Variants in DACH1 observed in about 807,000 individuals in gnomAD.
DACH1 encodes dachshund homolog 1.
In DACH1, 12 loss-of-function variants were observed where a neutral mutation model predicts 54.2. The observed-to-expected ratio is 0.22, with a 90% CI of 0.14 to 0.36. The LOEUF (loss-of-function observed/expected upper bound fraction) is 0.36. Among genes scored for constraint, DACH1 ranks in the 10% least tolerant of loss-of-function variants. DACH1 has a pLI of 1.00. For synonymous variants in DACH1, 386 were observed against 366.2 expected, an observed-to-expected ratio of 1.05 and a Z score of -0.62; for missense variants, 805 against 929.8, an observed-to-expected ratio of 0.87 and a Z score of 1.75.
chr13:71,866,714 G>GT lies in DACH1; in HGVS notation c.55_56insA (p.Pro19HisfsTer128). 1 of 1,447,130 alleles carries GT rather than the reference G, an allele frequency of 6.9e-7. No homozygotes were observed. The highest frequency in any genetic ancestry group is 9.2e-7 in the Non-Finnish European group (1 of 1,091,570). 89.6% of individuals were successfully genotyped at this position (1,447,130 alleles called of 1,614,324 possible). ...AGAGGAGGAAGCAGACGTGGAGATT[G>GT]GGGGTTGAGGGGGGACCAGCTGGGT... is the stretch of plus-strand genomic sequence containing the variant. On this transcript the variant is annotated frameshift_variant, in exon 1 of 11. Coordinates refer to ENST00000613252, the MANE Select transcript of DACH1 (RefSeq NM_080759.6). LOFTEE classifies it high-confidence loss of function.
chr13:71,806,052 C>T (rs1411966309), intron 1 of DACH1, among the ~76,000 whole-genome samples: 2 of 152,150 alleles, frequency 1.3e-5, no homozygotes, highest in African/African-American at 4.8e-5. Context: ...GGTGATCCGC[C>T]CACCTCAGTC....
chr13:71,722,714 T>C (rs1043801746), intron 1 of DACH1, among the ~76,000 whole-genome samples: 1 of 152,150 alleles, frequency 6.6e-6, no homozygotes, highest in Admixed American at 6.5e-5. Context: ...GTTTCAAAAG[T>C]TGAGGAAAGA....
At chr13:71,682,847 A>T (rs1880981643) in intron 1 of DACH1, among the ~76,000 whole-genome samples, 1 of 152,156 alleles carries the variant, frequency 6.6e-6, no homozygotes, top group Non-Finnish European at 1.5e-5. Flanking sequence ...AAAACAACCT[A>T]AAGTATATAA....
rs1454536714 is a variant in DACH1 at position 71,866,919 on chromosome 13, G to C, written c.-150C>G. 2.0e-5 allele frequency: 11 copies of C among 554,832 alleles called. No individual in the cohort carries two copies. The highest frequency in any genetic ancestry group is 2.9e-5 in the Non-Finnish European group (11 of 373,678). The allele number at this position is 554,832 out of a possible 1,614,324, so 34.4% of individuals were successfully genotyped here. ...AACGAGAAGGAGAAAGGGAGAGAAG[G>C]GGGAGAAAAGGAGGTGAAGGTAATA... On this transcript the variant is annotated 5_prime_UTR_variant, in exon 1 of 11. Coordinates refer to ENST00000613252, the MANE Select transcript of DACH1 (RefSeq NM_080759.6).
At chr13:71,447,961 T>C (rs1028330673) in intron 10 of DACH1, among the ~76,000 whole-genome samples, 2 of 152,214 alleles carry the variant, frequency 1.3e-5, no homozygotes, top group South Asian at 4.1e-4. Flanking sequence ...AGTATGCTTG[T>C]GGAAGGTATC....
intron 1 of DACH1, among the ~76,000 whole-genome samples, chr13:71,689,867 C>A (rs924083587): frequency 1.3e-5 from 2 of 152,092 alleles, no homozygotes; most frequent in African/African-American, 4.8e-5. Context: ...GCCCCTAAAG[C>A]TTCTAAGTCC....
chr13:71,457,540 G>T (rs989472875), intron 10 of DACH1, among the ~76,000 whole-genome samples: 2 of 151,784 alleles, frequency 1.3e-5, no homozygotes, highest in African/African-American at 4.8e-5. Context: ...AAAAAAAGCT[G>T]CTTTATGTTT....
Position 71,642,450 on chromosome 13 carries a change from G to A in DACH1, c.965-11733C>T, listed in dbSNP as rs143433282. Among the ~76,000 whole-genome samples the A allele has an allele frequency of 5.9e-4, 90 of 152,234 alleles. No homozygotes were observed. The East Asian group carries it at 0.013, about 21-fold the overall frequency. On this transcript the variant is annotated intron_variant, in intron 2 of 10. Coordinates refer to ENST00000613252, the MANE Select transcript of DACH1 (RefSeq NM_080759.6). ...ACATCAATTCTGATTCTACAAGTACGTATATCTCTTCTGTAGCAATTAGGT... is the reference window on the plus strand; with the variant it reads ...ACATCAATTCTGATTCTACAAGTACATATATCTCTTCTGTAGCAATTAGGT...
intron 1 of DACH1, among the ~76,000 whole-genome samples, chr13:71,864,632 C>T (rs966036443): frequency 6.6e-6 from 1 of 152,178 alleles, no homozygotes; most frequent in Non-Finnish European, 1.5e-5. Context: ...CCCGGAATCT[C>T]ACTCTGAACT....
chr13:71,648,571 G>A (rs1036510202), intron 2 of DACH1, among the ~76,000 whole-genome samples: 4 of 152,114 alleles, frequency 2.6e-5, no homozygotes, highest in Admixed American at 2.0e-4. Context: ...GTGAGCAATA[G>A]CAGGCATATG....
At chr13:71,502,092 G>A (rs1428941254) in intron 6 of DACH1, among the ~76,000 whole-genome samples, 2 of 152,006 alleles carry the variant, frequency 1.3e-5, no homozygotes, top group Non-Finnish European at 1.5e-5. Flanking sequence ...TCAAGTTTGT[G>A]CCATAAATAT....
At chr13:71,697,279 T>C (rs1314806004) in intron 1 of DACH1, among the ~76,000 whole-genome samples, 2 of 152,216 alleles carry the variant, frequency 1.3e-5, no homozygotes, top group Admixed American at 1.3e-4. Flanking sequence ...AAGGAAGGAA[T>C]GGATACACAT....
At chr13:71,704,192 A>C (rs1882309402) in intron 1 of DACH1, 1 of 228,236 alleles carries the variant, frequency 4.4e-6, no homozygotes, top group African/African-American at 2.3e-5. Context: ...TGAGAAAAAC[A>C]AAGGGAAAGA....
chr13:71,548,534 A>G (rs1451729317), intron 6 of DACH1, among the ~76,000 whole-genome samples: 1 of 152,182 alleles, frequency 6.6e-6, no homozygotes, highest in Non-Finnish European at 1.5e-5. Flanking sequence ...GGAAAAAAAC[A>G]TAGCTGTCCA....
intron 1 of DACH1, among the ~76,000 whole-genome samples, chr13:71,751,380 C>T (rs1172783838): frequency 1.3e-5 from 2 of 152,176 alleles, no homozygotes; most frequent in South Asian, 2.1e-4. Flanking sequence ...ATCATGTACA[C>T]AGATCAAATT....
At chr13:71,791,677 C>T (rs1886839810) in intron 1 of DACH1, among the ~76,000 whole-genome samples, 1 of 152,198 alleles carries the variant, frequency 6.6e-6, no homozygotes, top group Non-Finnish European at 1.5e-5. Flanking sequence ...AGCCACCGCT[C>T]CTGGCCTGAG....
intron 2 of DACH1, chr13:71,675,436 A>G (rs1880502803): frequency 6.9e-7 from 1 of 1,445,806 alleles, no homozygotes; most frequent in Admixed American, 1.8e-5. Flanking sequence ...GCCAAAAGAC[A>G]TCCAGCTAGC....
At chr13:71,765,623 C>T (rs1885586070) in intron 1 of DACH1, among the ~76,000 whole-genome samples, 1 of 152,180 alleles carries the variant, frequency 6.6e-6, no homozygotes, top group African/African-American at 2.4e-5. Flanking sequence ...CTGCCCATTT[C>T]TCCAGCCATC....
intron 1 of DACH1, among the ~76,000 whole-genome samples, chr13:71,758,115 G>A (rs956765583): frequency 6.6e-6 from 1 of 152,004 alleles, no homozygotes; most frequent in Non-Finnish European, 1.5e-5. Context: ...ATTTAGGGCT[G>A]TGAACACAGT....
Sources: allele counts gnomAD v4.1 joint callset (sites outside exome capture counted in the v4.1 genomes callset), GRCh38; gene constraint gnomAD v4.1.1; transcripts MANE v1.5; gene names NCBI Gene and HGNC (gene_info 2026-07-23, HGNC 2026-07-21).